CTNNA2: variants seen among roughly 807,000 people sequenced by gnomAD.
The protein encoded by CTNNA2 is catenin alpha 2, also known as catenin alpha-2.
A neutral mutation model predicts 101.0 loss-of-function variants in CTNNA2; 42 were observed. That is an observed-to-expected ratio of 0.42 (90% CI 0.32 to 0.54). The LOEUF (loss-of-function observed/expected upper bound fraction) is 0.54, where lower values mean the gene tolerates loss of function less well. Among genes scored for constraint, CTNNA2 ranks in the 20% least tolerant of loss-of-function variants. CTNNA2 has a pLI of 0.14. For missense variants in CTNNA2, 871 were observed against 1,223.1 expected, an observed-to-expected ratio of 0.71 and a Z score of 4.29; for synonymous variants, 450 against 456.4, an observed-to-expected ratio of 0.99 and a Z score of 0.18.
At chr2:80,301,036 C>T (rs1454435187) in intron 7 of CTNNA2, among the ~76,000 whole-genome samples, 1 of 152,130 alleles carries the variant, frequency 6.6e-6, no homozygotes, top group African/African-American at 2.4e-5. Context: ...AAATTATTCC[C>T]ATCTCAGAAA....
At chr2:79,289,518 T>C (rs541782897) in intron 2 of CTNNA2, among the ~76,000 whole-genome samples, 38 of 152,156 alleles carry the variant, frequency 2.5e-4, no homozygotes, top group African/African-American at 8.2e-4. Flanking sequence ...TCCCAGCACT[T>C]TGGGAGGCCG....
intron 3 of CTNNA2, among the ~76,000 whole-genome samples, chr2:79,324,732 C>T (rs997655663): frequency 8.4e-6 from 1 of 119,176 alleles, no homozygotes; most frequent in African/African-American, 3.6e-5. Context: ...CCACTACACA[C>T]TACACACACA....
rs554284339 is a variant in CTNNA2 at position 79,323,205 on chromosome 2, C to T, written c.-318+10409C>T. On this transcript the variant is annotated intron_variant, in intron 3 of 21. Coordinates refer to the CTNNA2 transcript ENST00000466387. ...TCCCTAGTGGTAGAGTAAGTTATTC[C>T]CCTTCTCAGAAATATTCACATTCTA... 2.6e-5 allele frequency among the ~76,000 whole-genome samples: 4 copies of T among 152,260 alleles called. No homozygotes were observed. In the East Asian group the frequency reaches 7.7e-4, roughly 29 times the overall value.
At chr2:80,563,439 G>A (rs1693781546) in intron 12 of CTNNA2, among the ~76,000 whole-genome samples, 1 of 152,166 alleles carries the variant, frequency 6.6e-6, no homozygotes, top group Admixed American at 6.5e-5. Context: ...GAAAAAATGG[G>A]AACCTTTGCA....
chr2:80,448,562 G>C (rs989218984), intron 9 of CTNNA2, among the ~76,000 whole-genome samples: 3 of 152,162 alleles, frequency 2.0e-5, no homozygotes, highest in African/African-American at 7.2e-5. Flanking sequence ...AGTCTGGGCT[G>C]GGGCCTGGGT....
chr2:79,544,935 T>C (rs1673640575), intron 1 of CTNNA2, among the ~76,000 whole-genome samples: 1 of 152,136 alleles, frequency 6.6e-6, no homozygotes, highest in Non-Finnish European at 1.5e-5. Context: ...CTGTGCCCAA[T>C]TGGAGCATAT....
chr2:79,983,142 A>G (rs1035517821), intron 7 of CTNNA2, among the ~76,000 whole-genome samples: 10 of 149,364 alleles, frequency 6.7e-5, no homozygotes, highest in African/African-American at 2.4e-4. Flanking sequence ...GTGTATATAT[A>G]TATATATTTT....
intron 7 of CTNNA2, among the ~76,000 whole-genome samples, chr2:80,276,109 A>G: frequency 6.6e-6 from 1 of 152,190 alleles, no homozygotes; most frequent in East Asian, 1.9e-4. Context: ...TATTTTTCTG[A>G]TACAGGAAGA....
intron 3 of CTNNA2, among the ~76,000 whole-genome samples, chr2:79,785,654 G>A (rs1234026331): frequency 6.6e-6 from 1 of 152,006 alleles, no homozygotes; most frequent in Non-Finnish European, 1.5e-5. Flanking sequence ...TGGGGGCAGG[G>A]ATATTTAGTG....
intron 3 of CTNNA2, among the ~76,000 whole-genome samples, chr2:79,753,006 T>C (rs866642291): frequency 5.1e-4 from 78 of 152,294 alleles, no homozygotes; most frequent in African/African-American, 1.8e-3. Flanking sequence ...GCAGATTAGA[T>C]GAAATGATCT....
At chr2:80,110,507 C>T (rs1488633843) in intron 7 of CTNNA2, among the ~76,000 whole-genome samples, 1 of 152,116 alleles carries the variant, frequency 6.6e-6, no homozygotes, top group Non-Finnish European at 1.5e-5. Context: ...TGTGGATTCT[C>T]AATAAATGCT....
chr2:79,922,772 G>T (rs1686760667), intron 7 of CTNNA2, among the ~76,000 whole-genome samples: 2 of 151,590 alleles, frequency 1.3e-5, no homozygotes, highest in South Asian at 2.1e-4. Flanking sequence ...GAAACAAATG[G>T]TTAAGGACCC....
intron 7 of CTNNA2, among the ~76,000 whole-genome samples, chr2:80,172,841 AG>A (rs1196016419): frequency 2.0e-5 from 3 of 152,176 alleles, no homozygotes; most frequent in Non-Finnish European, 4.4e-5. Context: ...CCCTGTGTGC[AG>A]GTGCCTTCTC....
At chr2:80,573,086 T>C (rs1265091002) in intron 12 of CTNNA2, 5 of 152,232 alleles carry the variant, frequency 3.3e-5, no homozygotes, top group Non-Finnish European at 7.3e-5. Context: ...TAAAGAGGAA[T>C]CAGGCATGAA....
intron 7 of CTNNA2, among the ~76,000 whole-genome samples, chr2:79,992,022 G>C (rs1489001803): frequency 6.6e-6 from 1 of 152,102 alleles, no homozygotes; most frequent in Non-Finnish European, 1.5e-5. Flanking sequence ...TCCAATCTTG[G>C]TATCAGTGAC....
chr2:80,572,757 T>C (rs2149699752), intron 12 of CTNNA2: 1 of 152,322 alleles, frequency 6.6e-6, no homozygotes, highest in East Asian at 1.9e-4. Context: ...AATTCTTTTA[T>C]CTAAATATAG....
intron 1 of CTNNA2, chr2:79,634,638 C>T (rs1679899518): frequency 1.3e-5 from 2 of 152,178 alleles, no homozygotes; most frequent in East Asian, 1.9e-4. Flanking sequence ...CTCTTAAGAT[C>T]GAGGGTGACA....
chr2:80,038,476 T>C (rs1695813394), intron 7 of CTNNA2, among the ~76,000 whole-genome samples: 1 of 152,098 alleles, frequency 6.6e-6, no homozygotes, highest in Non-Finnish European at 1.5e-5. Context: ...ATCCCAGCAC[T>C]TTGGGAGGCA....
In CTNNA2 at chr2:79,227,182, T is replaced by A. The variant is rs565075267; in HGVS notation, c.-406+29106T>A. On this transcript the variant is annotated intron_variant, in intron 2 of 21. Coordinates refer to the CTNNA2 transcript ENST00000466387. The stretch of plus-strand genomic sequence containing the variant: ...TTAAGTTCATGCTCTTGACAGGGAT[T>A]GGAAAAAAAGGAAAGGTAACTCCTC... Among the ~76,000 whole-genome samples the A allele has an allele frequency of 2.4e-3, 367 of 152,154 alleles. 1 individual carries two copies. Among genetic ancestry groups the A allele is most frequent in the Non-Finnish European group, 4.6e-3 (311 of 68,012 alleles).
Sources: gnomAD v4.1 joint callset for allele counts (sites outside exome capture counted in the v4.1 genomes callset) on GRCh38, gnomAD v4.1.1 for gene constraint, MANE v1.5 for transcripts, NCBI Gene and HGNC (gene_info 2026-07-23, HGNC 2026-07-21) for gene names.